The following MUC3A variants were observed in gnomAD, a reference collection of about 807,000 sequenced individuals.
MUC3A encodes the protein mucin 3A, cell surface associated.
A neutral mutation model predicts 109.0 loss-of-function variants in MUC3A; 109 were observed. The ratio of observed to expected loss-of-function variants is 1.00; its 90% CI spans 0.86 to 1.17. The LOEUF (loss-of-function observed/expected upper bound fraction) is 1.17. MUC3A is among the 50% of genes most tolerant of loss of function. The pLI is 0.00. For missense variants in MUC3A, 3,537 were observed against 2,469.4 expected (o/e 1.43, Z -9.16); for synonymous variants, 1,398 against 981.4 (o/e 1.42, Z -7.93).
In MUC3A at chr7:100,960,575, C is replaced by A. The variant is rs773694523; in HGVS notation, c.8796C>A (p.Thr2932=). Residue 2932 remains threonine (T), a synonymous_variant, in exon 2 of 12, where the codon ACC becomes ACA. Coordinates refer to ENST00000379458, the MANE Select transcript of MUC3A (RefSeq NM_005960.2). The part of the protein sequence containing the change: ...TPVATTQTPT[T]LTSRRTTRIT... ...TGGCCACTACCCAGACTCCTACCAC[C>A]CTTACATCACGCAGGACAACTCGCA... The A allele has an allele frequency of 1.3e-5, 20 of 1,598,728 alleles. No homozygotes were observed. The highest frequency in any genetic ancestry group is 3.3e-5 in the South Asian group (3 of 91,088).
chr7:100,968,181 G>A lies in MUC3A; in HGVS notation c.*1019G>A, dbSNP rs769960610. 4.7e-5 allele frequency: 7 copies of A among 149,860 alleles called. No homozygotes were observed. In the East Asian group the frequency reaches 1.4e-3, roughly 29 times the overall value. The allele number at this position is 149,860 out of a possible 1,614,324, so 9.3% of individuals were successfully genotyped here. ...TCTGCCTTTTAAACCCATCCCCTCC[G>A]ATTCCCCTCCTCCCCCTTCTCTTCC... On this transcript the variant is annotated 3_prime_UTR_variant, in exon 12 of 12. Coordinates refer to ENST00000379458, the MANE Select transcript of MUC3A (RefSeq NM_005960.2).
intron 8 of MUC3A, 27 bp from the exon 9 acceptor site, chr7:100,966,359 A>G (rs1792557358): frequency 7.6e-7 from 1 of 1,310,162 alleles, no homozygotes; most frequent in Non-Finnish European, 9.7e-7. Flanking sequence ...GGAGGTGAAG[A>G]GGGTCTGACC....
In MUC3A at chr7:100,963,028, C is replaced by T. The variant is rs1410142831; in HGVS notation, c.9053-123C>T. The T allele has an allele frequency of 4.7e-6, 5 of 1,070,856 alleles. No homozygotes were observed. In the Admixed American group the frequency reaches 1.1e-4, roughly 23 times the overall value. The allele number at this position is 1,070,856 out of a possible 1,614,324, so 66.3% of individuals were successfully genotyped here. On this transcript the variant is annotated intron_variant, in intron 3 of 11. Coordinates refer to ENST00000379458, the MANE Select transcript of MUC3A (RefSeq NM_005960.2). ...TCCTACATCTGTTCCTGCCTCTGGG[C>T]ATCAGTCCTCAGGGATCTTGGAGGG...
intron 11 of MUC3A, 31 bp downstream of exon 11, chr7:100,966,982 A>C: frequency 6.3e-7 from 1 of 1,598,486 alleles, no homozygotes; most frequent in Non-Finnish European, 8.5e-7. Context: ...ACCCCAAGGA[A>C]CTCTCCCAGC....
chr7:100,960,939 T>C lies in MUC3A; in HGVS notation c.9052+2T>C, dbSNP rs916981069. The C allele has an allele frequency of 3.1e-6, 5 of 1,598,542 alleles. No individual in the cohort carries two copies. The highest frequency in any genetic ancestry group is 4.2e-6 in the Non-Finnish European group (5 of 1,179,820). Reference sequence around the variant, plus strand: ...TTGCTGTGGAACAGGTGGATCTAGGTGAGTTGCCAGAGCTATGCCTTCTGC... The same window carrying C: ...TTGCTGTGGAACAGGTGGATCTAGGCGAGTTGCCAGAGCTATGCCTTCTGC... On this transcript the variant is annotated splice_donor_variant, in intron 3 of 11. Coordinates refer to ENST00000379458, the MANE Select transcript of MUC3A (RefSeq NM_005960.2). LOFTEE classifies it high-confidence loss of function.
At chr7:100,966,984 T>G in intron 11 of MUC3A, 33 bp downstream of exon 11, 2 of 1,598,544 alleles carry the variant, frequency 1.3e-6, no homozygotes, top group Non-Finnish European at 1.7e-6. Context: ...CCCAAGGAAC[T>G]CTCCCAGCCT....
chr7:100,952,198 A>G lies in MUC3A; in HGVS notation c.419A>G (p.His140Arg). Reference sequence around the variant, plus strand: ...ACGAGCTTTATAATCACCATCTCCCACCCCACCTCCATCTGTGTGACCACG... The same window carrying G: ...ACGAGCTTTATAATCACCATCTCCCGCCCCACCTCCATCTGTGTGACCACG... ...YPTSFIITIS[H>R]PTSICVTTTQ... Residue 140 changes from histidine (H) to arginine (R), a missense_variant, in exon 2 of 12, where the codon CAC (histidine) becomes CGC (arginine). Physicochemically the swap from His to Arg is conservative, Grantham distance 29. Transcript: ENST00000379458. The G allele has an allele frequency of 1.3e-6, 2 of 1,598,544 alleles. No individual in the cohort carries two copies. Among genetic ancestry groups the G allele is most frequent in the Non-Finnish European group, 1.7e-6 (2 of 1,179,794 alleles).
At chr7:100,963,833 G>T in intron 5 of MUC3A, 81 bp downstream of exon 5, 1 of 1,573,480 alleles carries the variant, frequency 6.4e-7, no homozygotes, top group Non-Finnish European at 8.6e-7. Context: ...CCTTTCTTTT[G>T]TAATCATCAG....
chr7:100,966,039 G>A (rs1792529400), intron 8 of MUC3A, 173 bp downstream of exon 8: 1 of 844,830 alleles, frequency 1.2e-6, no homozygotes, highest in Non-Finnish European at 1.8e-6. Context: ...CTGCCCTGGA[G>A]CTCTGCTCCT....
At chr7:100,964,129 C>G (rs1792440976) in intron 5 of MUC3A, 1 of 395,464 alleles carries the variant, frequency 2.5e-6, no homozygotes, top group Admixed American at 4.1e-5. Context: ...TGGATGATGG[C>G]TTGATGCAAC....
Position 100,960,435 on chromosome 7 carries a change from G to C in MUC3A, c.8656G>C (p.Val2886Leu), listed in dbSNP as rs759164409. 35 of 1,598,422 alleles carry C rather than the reference G, an allele frequency of 2.2e-5. No individual in the cohort carries two copies. The highest frequency in any genetic ancestry group is 3.3e-4 in the Middle Eastern group (2 of 6,074). Residue 2886 changes from valine to leucine, a missense_variant, in exon 2 of 12, where the codon GTC (valine) becomes CTC (leucine). By Grantham distance (32) the Val-to-Leu change is conservative. Transcript: ENST00000379458. ...TGTGATCCCCCTACCTCTTCCTGGC[G>C]TCTCTACCATCCCGCTCACCATGAA... is the stretch of plus-strand genomic sequence containing the variant. ...SSVIPLPLPGVSTIPLTMKPS... is the reference protein window; with the variant it reads ...SSVIPLPLPGLSTIPLTMKPS...
rs370910108 is a variant in MUC3A at position 100,959,482 on chromosome 7, C to G, written c.7703C>G (p.Thr2568Arg). 4 of 1,581,456 alleles carry G rather than the reference C, an allele frequency of 2.5e-6. No individual in the cohort carries two copies. The highest frequency in any genetic ancestry group is 4.5e-5 in the East Asian group (2 of 44,846). The change falls in exon 2 of 12, where the codon ACA (threonine) becomes AGA (arginine). Residue 2568 changes from threonine (T) to arginine (R), a missense_variant. Transcript: ENST00000379458. ...AACACCCCAATCAGTTCCTTTAGCA[C>G]AAGTATTGTTGTTATACCTGAAACC... ...TENTPISSFS[T>R]SIVVIPETPT...
Position 100,951,778 on chromosome 7 carries a change from A to C in MUC3A, c.62-63A>C, listed in dbSNP as rs1791949774. The C allele has an allele frequency of 5.1e-6, 8 of 1,566,468 alleles. No individual in the cohort carries two copies. The South Asian group carries it at 8.2e-5, about 16-fold the overall frequency. On this transcript the variant is annotated intron_variant, in intron 1 of 11. Transcript: ENST00000379458. ...AATGGGTGAGTGAGTAGCTTACATG[A>C]GTGATGTAACAAAATGACCCACGGA...
intron 8 of MUC3A, chr7:100,966,146 G>GCCCCCTTGTTCTAGGGTGGATCCCCC: frequency 2.0e-6 from 1 of 502,798 alleles, no homozygotes; most frequent in Non-Finnish European, 3.2e-6. Flanking sequence ...GTTGAACCCC[G>GCCCCCTTGTTCTAGGGTGGATCCCCC]CCCCCTCCTT....
Position 100,953,446 on chromosome 7 carries a change from C to G in MUC3A, c.1667C>G (p.Pro556Arg). 5.7e-6 allele frequency: 3 copies of G among 527,320 alleles called. No individual in the cohort carries two copies. Among genetic ancestry groups the G allele is most frequent in the Non-Finnish European group, 9.9e-6 (3 of 304,104 alleles). The allele number at this position is 527,320 out of a possible 1,614,324, so 32.7% of individuals were successfully genotyped here. A position where few individuals can be genotyped will look rare whatever the true frequency, so the allele number is the denominator to read the frequency against. ...TTHTESISSP[P>R]ASTSTLHTTA... is the part of the protein sequence containing the mutation. ...CACACAGAGAGTATCTCCTCACCTCCAGCCAGCACCAGTACACTCCACACA... is the reference window on the plus strand; with the variant it reads ...CACACAGAGAGTATCTCCTCACCTCGAGCCAGCACCAGTACACTCCACACA... Residue 556 changes from proline (P) to arginine (R), a missense_variant, in exon 2 of 12, where the codon CCA (proline) becomes CGA (arginine). Transcript: ENST00000379458.
chr7:100,952,168 A>G lies in MUC3A; in HGVS notation c.389A>G (p.Tyr130Cys). The stretch of plus-strand genomic sequence containing the variant: ...TATTCAGCCACCACTGAGTGCGTGT[A>G]TCCAACGAGCTTTATAATCACCATC... ...LVYSATTECV[Y>C]PTSFIITISH... Residue 130 changes from tyrosine to cysteine, a missense_variant, in exon 2 of 12, where the codon TAT becomes TGT. Tyr to Cys is a radical substitution (Grantham distance 194). Transcript: ENST00000379458. 1.3e-6 allele frequency: 2 copies of G among 1,598,508 alleles called. No homozygotes were observed. The highest frequency in any genetic ancestry group is 2.2e-5 in the South Asian group (2 of 91,084).
Position 100,959,529 on chromosome 7 carries a change from C to G in MUC3A, c.7750C>G (p.Leu2584Val). 6.3e-7 allele frequency: 1 copy of G among 1,590,930 alleles called. No homozygotes were observed. The highest frequency in any genetic ancestry group is 8.5e-7 in the Non-Finnish European group (1 of 1,176,428). ...AACCCCAACACAGACCCCTCCTGTA[C>G]TGACGTCAGCCACTGGGACCCAAAC... ...PETPTQTPPV[L>V]TSATGTQTSP... Residue 2584 changes from leucine to valine, a missense_variant, in exon 2 of 12, where the codon CTG becomes GTG. By Grantham distance (32) the Leu-to-Val change is conservative. Transcript: ENST00000379458.
Position 100,967,281 on chromosome 7 carries a change from G to A in MUC3A, c.*119G>A, listed in dbSNP as rs867863270. The A allele has an allele frequency of 6.6e-5, 97 of 1,478,326 alleles. No individual in the cohort carries two copies. The Middle Eastern group carries it at 1.7e-3, about 27-fold the overall frequency. The allele number at this position is 1,478,326 out of a possible 1,614,324, so 91.6% of individuals were successfully genotyped here. On this transcript the variant is annotated 3_prime_UTR_variant, in exon 12 of 12. Transcript: ENST00000379458. ...CAGCCCAGGCTCCTGCTGTTCTTGGGCAAGATGAGACTGTTCCCCCAAATC... is the reference window on the plus strand; with the variant it reads ...CAGCCCAGGCTCCTGCTGTTCTTGGACAAGATGAGACTGTTCCCCCAAATC...
chr7:100,962,572 G>A (rs866594354), intron 3 of MUC3A, among the ~76,000 whole-genome samples: 5 of 152,304 alleles, frequency 3.3e-5, no homozygotes, highest in East Asian at 1.9e-4. Flanking sequence ...CAGGCTGACC[G>A]CTATCTTTCT....
Sources: allele counts gnomAD v4.1 joint callset (sites outside exome capture counted in the v4.1 genomes callset), GRCh38; gene constraint gnomAD v4.1.1; transcripts MANE v1.5; gene names NCBI Gene and HGNC (gene_info 2026-07-23, HGNC 2026-07-21).